Variants in FHIT observed in about 807,000 individuals in gnomAD.
FHIT encodes bis(5'-adenosyl)-triphosphatase.
A neutral mutation model predicts 17.9 loss-of-function variants in FHIT; 19 were observed. The observed-to-expected ratio is 1.06, with a 90% CI of 0.74 to 1.56. The LOEUF is 1.56. FHIT is among the 40% of genes most tolerant of loss of function. The pLI is 0.00. For synonymous variants in FHIT, 81 were observed against 69.7 expected, an observed-to-expected ratio of 1.16 and a Z score of -0.81; for missense variants, 248 against 189.2, an observed-to-expected ratio of 1.31 and a Z score of -1.82.
At chr3:60,152,827 C>T (rs1417694362) in intron 5 of FHIT, among the ~76,000 whole-genome samples, 2 of 152,126 alleles carry the variant, frequency 1.3e-5, no homozygotes, top group Non-Finnish European at 1.5e-5. Flanking sequence ...AAATCATTCC[C>T]AAACCTGTAG....
chr3:60,023,728 G>C (rs1054130006), intron 5 of FHIT, among the ~76,000 whole-genome samples: 1 of 152,180 alleles, frequency 6.6e-6, no homozygotes, highest in East Asian at 1.9e-4. Flanking sequence ...CCTTAGAAGA[G>C]AGGAAATACT....
chr3:60,406,486 C>CT (rs1701861183), intron 5 of FHIT, among the ~76,000 whole-genome samples: 1 of 152,148 alleles, frequency 6.6e-6, no homozygotes, highest in African/African-American at 2.4e-5. Flanking sequence ...TGCAGGAAAG[C>CT]GAAAGAGACA....
intron 4 of FHIT, among the ~76,000 whole-genome samples, 151 bp from the exon 5 acceptor site, chr3:60,537,130 C>CA (rs923465478): frequency 2.0e-5 from 3 of 152,074 alleles, no homozygotes; most frequent in African/African-American, 7.2e-5. Flanking sequence ...CACCAAGATG[C>CA]ATTCTGGGAA....
At chr3:60,591,099 C>T (rs185124701) in intron 4 of FHIT, among the ~76,000 whole-genome samples, 13 of 152,182 alleles carry the variant, frequency 8.5e-5, no homozygotes, top group African/African-American at 3.1e-4. Flanking sequence ...GTCATAAAAT[C>T]CCTAAAGAAC....
chr3:60,925,547 G>C (rs1707548553), intron 3 of FHIT, among the ~76,000 whole-genome samples: 2 of 152,164 alleles, frequency 1.3e-5, no homozygotes, highest in African/African-American at 4.8e-5. Context: ...CCTTACAAGA[G>C]CTCCTGAAGG....
intron 4 of FHIT, among the ~76,000 whole-genome samples, chr3:60,753,525 TG>T (rs1468080350): frequency 6.6e-6 from 1 of 152,246 alleles, no homozygotes; most frequent in Non-Finnish European, 1.5e-5. Context: ...CAATTTCATT[TG>T]GGAGTTCTAT....
At chr3:60,383,021 T>C (rs1443342489) in intron 5 of FHIT, among the ~76,000 whole-genome samples, 1 of 152,146 alleles carries the variant, frequency 6.6e-6, no homozygotes, top group Non-Finnish European at 1.5e-5. Flanking sequence ...TTTCATTCAC[T>C]AGGAAAAAAC....
At position 60,743,141 on chromosome 3, in the gene FHIT, A is replaced by G. The variant is rs143830041; in HGVS notation, c.-18+78778T>C. On this transcript the variant is annotated intron_variant, in intron 4 of 9. Coordinates refer to ENST00000492590, the MANE Select transcript of FHIT (RefSeq NM_002012.4). ...CAGTGCTGCTTGAATCAGAATCTAC[A>G]CTGCAGCTGGGCAACTGGCTGAGGT... is the stretch of plus-strand genomic sequence containing the variant. 2.8e-4 allele frequency among the ~76,000 whole-genome samples: 42 copies of G among 152,254 alleles called. No individual in the cohort carries two copies. The East Asian group carries it at 8.1e-3, about 30-fold the overall frequency.
At chr3:60,077,740 G>GAGAGA (rs749903107) in intron 5 of FHIT, among the ~76,000 whole-genome samples, 36 of 46,958 alleles carry the variant, frequency 7.7e-4, no homozygotes, top group South Asian at 2.4e-3. Flanking sequence ...ATATATAGAG[G>GAGAGA]GGGGGGGGAG....
At chr3:61,159,064 T>A (rs1030321388) in intron 2 of FHIT, among the ~76,000 whole-genome samples, 1 of 152,232 alleles carries the variant, frequency 6.6e-6, no homozygotes, top group Non-Finnish European at 1.5e-5. Context: ...AAAAAATAGC[T>A]TATTCTAACA....
Position 61,002,781 on chromosome 3 carries a change from T to A in FHIT, c.-111+39266A>T, listed in dbSNP as rs111835657. Among the ~76,000 whole-genome samples the A allele has an allele frequency of 1.4e-3, 215 of 152,298 alleles. 1 individual carries two copies. The highest frequency in any genetic ancestry group is 2.4e-3 in the Admixed American group (36 of 15,292). On this transcript the variant is annotated intron_variant, in intron 3 of 9. Transcript: ENST00000492590. Reference sequence around the variant, plus strand: ...TGCAATGTGCCAGCATCTGCATCTATCACTGGAAAGTGGATTGCAAACCCA... The same window carrying A: ...TGCAATGTGCCAGCATCTGCATCTAACACTGGAAAGTGGATTGCAAACCCA...
chr3:60,277,400 T>C (rs1707200630), intron 5 of FHIT, among the ~76,000 whole-genome samples: 1 of 152,202 alleles, frequency 6.6e-6, no homozygotes, highest in African/African-American at 2.4e-5. Context: ...ACAAGCAAGC[T>C]GGAAGCTTGC....
chr3:60,295,315 G>A (rs527992352), intron 5 of FHIT, among the ~76,000 whole-genome samples: 3 of 152,194 alleles, frequency 2.0e-5, no homozygotes, highest in African/African-American at 7.2e-5. Context: ...AAGAAAAAAG[G>A]TTTATTTGGC....
intron 5 of FHIT, among the ~76,000 whole-genome samples, chr3:60,021,431 G>C (rs749991805): frequency 3.9e-5 from 6 of 152,204 alleles, no homozygotes; most frequent in Admixed American, 6.5e-5. Flanking sequence ...AGATTCTTTG[G>C]TTGAATTTCA....
chr3:59,886,439 G>T (rs1703626554), intron 8 of FHIT, among the ~76,000 whole-genome samples: 1 of 152,180 alleles, frequency 6.6e-6, no homozygotes, highest in Non-Finnish European at 1.5e-5. Flanking sequence ...AGAGAAGAAG[G>T]TTTATCTGGC....
intron 8 of FHIT, among the ~76,000 whole-genome samples, chr3:59,787,529 C>CACACACACA (rs926298770): frequency 2.0e-5 from 3 of 147,710 alleles, no homozygotes; most frequent in African/African-American, 7.7e-5. Context: ...CACACACACA[C>CACACACACA]GTCAAAGGCT....
At chr3:60,325,240 T>C (rs1709635410) in intron 5 of FHIT, among the ~76,000 whole-genome samples, 1 of 152,226 alleles carries the variant, frequency 6.6e-6, no homozygotes, top group South Asian at 2.1e-4. Flanking sequence ...TTCTGTTAAC[T>C]GGCCAGAGGG....
intron 5 of FHIT, among the ~76,000 whole-genome samples, chr3:60,405,248 T>C (rs1701809332): frequency 6.6e-6 from 1 of 152,200 alleles, no homozygotes; most frequent in African/African-American, 2.4e-5. Context: ...ATTTAACATA[T>C]AGCTACCCTT....
chr3:60,122,545 G>A (rs979325957), intron 5 of FHIT, among the ~76,000 whole-genome samples: 1 of 152,160 alleles, frequency 6.6e-6, no homozygotes, highest in African/African-American at 2.4e-5. Flanking sequence ...CAAGAACAGA[G>A]GAGGGGTTTA....
Sources: gnomAD v4.1 joint callset for allele counts (sites outside exome capture counted in the v4.1 genomes callset) on GRCh38, gnomAD v4.1.1 for gene constraint, MANE v1.5 for transcripts, NCBI Gene and HGNC (gene_info 2026-07-23, HGNC 2026-07-21) for gene names.